The following EBF2 variants were observed in gnomAD, a reference collection of about 807,000 sequenced individuals.
EBF2 encodes the protein transcription factor COE2.
A neutral mutation model predicts 72.8 loss-of-function variants in EBF2; 21 were observed. That is an observed-to-expected ratio of 0.29 (90% confidence interval 0.20 to 0.42). The LOEUF is 0.42. EBF2 is among the 10% of genes least tolerant of loss of function. EBF2 has a pLI of 1.00. For missense variants in EBF2, 637 were observed against 731.2 expected (o/e 0.87, Z 1.49); for synonymous variants, 299 against 274.2 (o/e 1.09, Z -0.89).
At chr8:25,998,373 G>T (rs868773663) in intron 6 of EBF2, among the ~76,000 whole-genome samples, 1 of 152,110 alleles carries the variant, frequency 6.6e-6, no homozygotes, top group Non-Finnish European at 1.5e-5. Flanking sequence ...CACAAAAGAA[G>T]CAAACTCAAT....
At chr8:25,941,877 C>A (rs1336628856) in intron 6 of EBF2, among the ~76,000 whole-genome samples, 1 of 152,202 alleles carries the variant, frequency 6.6e-6, no homozygotes, top group Non-Finnish European at 1.5e-5. Flanking sequence ...TCAAAGGGAA[C>A]CATTCCCATT....
intron 15 of EBF2, among the ~76,000 whole-genome samples, chr8:25,849,401 C>A (rs925898430): frequency 2.0e-5 from 3 of 152,208 alleles, no homozygotes; most frequent in Non-Finnish European, 4.4e-5. Context: ...AGAACCCACA[C>A]TCTATCATCA....
At chr8:25,939,880 A>T (rs1803641043) in intron 6 of EBF2, among the ~76,000 whole-genome samples, 1 of 152,210 alleles carries the variant, frequency 6.6e-6, no homozygotes, top group Admixed American at 6.5e-5. Flanking sequence ...CTGATTCAAT[A>T]TGAGAAAAAC....
At chr8:25,849,984 T>C (rs1428428412) in intron 15 of EBF2, among the ~76,000 whole-genome samples, 2 of 152,190 alleles carry the variant, frequency 1.3e-5, no homozygotes, top group Non-Finnish European at 2.9e-5. Flanking sequence ...TTCTGAGAGA[T>C]AGCAGAATGG....
At chr8:26,039,169 C>T (rs1805558531) in intron 5 of EBF2, among the ~76,000 whole-genome samples, 1 of 151,882 alleles carries the variant, frequency 6.6e-6, no homozygotes, top group Middle Eastern at 3.4e-3. Context: ...ACGTTAGGCA[C>T]TCAATAAACA....
chr8:25,959,411 G>A (rs542348351), intron 6 of EBF2, among the ~76,000 whole-genome samples: 37 of 152,132 alleles, frequency 2.4e-4, no homozygotes, highest in African/African-American at 7.7e-4. Context: ...CACCAAGTTC[G>A]TCAGGCTGGT....
rs1804670290 is a variant in EBF2 at position 25,998,335 on chromosome 8, AGT to A, written c.551+34748_551+34749del. Reference sequence around the variant, plus strand: ...TGTGAAGGAAACAGACAAGGATATCAGTGTCAGGAGAAGAGAGAAACTGGTGG... The same window carrying A: ...TGTGAAGGAAACAGACAAGGATATCAGTCAGGAGAAGAGAGAAACTGGTGG... On this transcript the variant is annotated intron_variant, in intron 6 of 15. Coordinates refer to ENST00000520164, the MANE Select transcript of EBF2 (RefSeq NM_022659.4). Among the ~76,000 whole-genome samples, 4 of 152,230 alleles carry A rather than the reference AGT, an allele frequency of 2.6e-5. No individual in the cohort carries two copies. In the South Asian group the frequency reaches 8.3e-4, roughly 32 times the overall value.
chr8:26,043,725 G>T (rs1007781561), intron 1 of EBF2, among the ~76,000 whole-genome samples: 2 of 152,214 alleles, frequency 1.3e-5, no homozygotes, highest in Non-Finnish European at 2.9e-5. Flanking sequence ...TGTGATGTTG[G>T]CACTTAAATG....
At chr8:25,904,112 C>G (rs1441716542) in intron 7 of EBF2, among the ~76,000 whole-genome samples, 1 of 151,476 alleles carries the variant, frequency 6.6e-6, no homozygotes, top group Non-Finnish European at 1.5e-5. Context: ...ACTAGAGGTC[C>G]ATGGAAGCTT....
intron 6 of EBF2, among the ~76,000 whole-genome samples, chr8:25,994,829 T>G (rs1804598527): frequency 6.6e-6 from 1 of 152,190 alleles, no homozygotes; most frequent in African/African-American, 2.4e-5. Flanking sequence ...GTGTGCTATG[T>G]TCACTACCTG....
chr8:25,956,393 G>A (rs545283693), intron 6 of EBF2, among the ~76,000 whole-genome samples: 17 of 149,714 alleles, frequency 1.1e-4, no homozygotes, highest in African/African-American at 2.7e-4. Context: ...CAACAAGAGC[G>A]AAACTCCTTC....
At chr8:26,041,707 C>T (rs1014247404) in intron 2 of EBF2, among the ~76,000 whole-genome samples, 2 of 152,204 alleles carry the variant, frequency 1.3e-5, no homozygotes, top group Non-Finnish European at 2.9e-5. Context: ...CTGCCGGTTT[C>T]CACTTAGTGC....
rs375674594 is a variant in EBF2, at chr8:25,857,229, G to A, written c.1528+1090C>T. Among the ~76,000 whole-genome samples the A allele has an allele frequency of 7.9e-5, 12 of 152,044 alleles. No homozygotes were observed. In the East Asian group the frequency reaches 9.7e-4, roughly 12 times the overall value. ...GAAGAACTGACCTCTACTACCCTTC[G>A]CTGCTTGGTGCTATATCTTTATCTC... is the stretch of plus-strand genomic sequence containing the variant. On this transcript the variant is annotated intron_variant, in intron 14 of 15. Transcript: ENST00000520164.
intron 6 of EBF2, among the ~76,000 whole-genome samples, chr8:25,944,460 C>G (rs1232506944): frequency 6.6e-6 from 1 of 151,848 alleles, no homozygotes; most frequent in African/African-American, 2.4e-5. Flanking sequence ...GTTTGAAATC[C>G]CTTTGGCATC....
chr8:25,899,038 C>G (rs987940475), intron 7 of EBF2, among the ~76,000 whole-genome samples: 1 of 152,132 alleles, frequency 6.6e-6, no homozygotes, highest in Non-Finnish European at 1.5e-5. Flanking sequence ...TATACTTTTA[C>G]AAAGAGCTCA....
rs139546669 is a variant in EBF2 at position 25,851,729 on chromosome 8, T to C, written c.1529-968A>G. Reference sequence around the variant, plus strand: ...TGACAAAAGTGTTGTTGGAGCCTAATGACCAAGCCCAGCAGTGCTATTTCT... The same window carrying C: ...TGACAAAAGTGTTGTTGGAGCCTAACGACCAAGCCCAGCAGTGCTATTTCT... On this transcript the variant is annotated intron_variant, in intron 14 of 15. Transcript: ENST00000520164. 6.8e-4 allele frequency among the ~76,000 whole-genome samples: 104 copies of C among 152,342 alleles called. 1 individual carries two copies. Among genetic ancestry groups the C allele is most frequent in the African/African-American group, 2.4e-3 (98 of 41,584 alleles).
rs147707624 is a variant in EBF2 at position 26,005,724 on chromosome 8, G to A, written c.551+27361C>T. Among the ~76,000 whole-genome samples the A allele has an allele frequency of 3.1e-3, 457 of 148,348 alleles. 2 individuals are homozygous for A. The highest frequency in any genetic ancestry group is 0.011 in the African/African-American group (438 of 40,030). Reference sequence around the variant, plus strand: ...TGTGTGCATGCAGTCCCAGCTGTTTGGGAGGCTGAGGTAGGAAGATCACTT... The same window carrying A: ...TGTGTGCATGCAGTCCCAGCTGTTTAGGAGGCTGAGGTAGGAAGATCACTT... On this transcript the variant is annotated intron_variant, in intron 6 of 15. Transcript: ENST00000520164.
intron 10 of EBF2, among the ~76,000 whole-genome samples, chr8:25,881,037 T>C (rs934678354): frequency 6.6e-6 from 1 of 152,186 alleles, no homozygotes; most frequent in African/African-American, 2.4e-5. Flanking sequence ...TATCCACTTC[T>C]GCCTGTCCCC....
chr8:25,967,317 G>A (rs1006239904), intron 6 of EBF2, among the ~76,000 whole-genome samples: 7 of 152,202 alleles, frequency 4.6e-5, no homozygotes, highest in African/African-American at 1.7e-4. Context: ...TTGGATCCAT[G>A]TACAGATGCT....
Sources: gnomAD v4.1 joint callset for allele counts (sites outside exome capture counted in the v4.1 genomes callset) on GRCh38, gnomAD v4.1.1 for gene constraint, MANE v1.5 for transcripts, NCBI Gene and HGNC (gene_info 2026-07-23, HGNC 2026-07-21) for gene names.